PTPRN2: variants seen among roughly 807,000 people sequenced by gnomAD.
PTPRN2 encodes protein tyrosine phosphatase receptor type N2, also known as receptor-type tyrosine-protein phosphatase N2.
Under a neutral mutation model 118.8 loss-of-function variants are expected in PTPRN2, and 74 were observed. That is an observed-to-expected ratio of 0.62 (90% confidence interval 0.52 to 0.76). The LOEUF (loss-of-function observed/expected upper bound fraction) is 0.76. PTPRN2 is among the 30% of genes least tolerant of loss of function. The pLI is 0.00. For synonymous variants in PTPRN2, 641 were observed against 608.0 expected, an observed-to-expected ratio of 1.05 and a Z score of -0.80; for missense variants, 1,481 against 1,394.4, an observed-to-expected ratio of 1.06 and a Z score of -0.99.
chr7:157,949,905 A>G (rs1226025908), intron 11 of PTPRN2, among the ~76,000 whole-genome samples: 1 of 152,172 alleles, frequency 6.6e-6, no homozygotes, highest in Non-Finnish European at 1.5e-5. Flanking sequence ...GTCTCCTCAA[A>G]CAATTCAGGC....
At chr7:158,538,078 C>A (rs1387569609) in intron 1 of PTPRN2, among the ~76,000 whole-genome samples, 1 of 152,234 alleles carries the variant, frequency 6.6e-6, no homozygotes, top group Non-Finnish European at 1.5e-5. Flanking sequence ...AAGGAGTAGA[C>A]CACCACAGGG....
At chr7:157,902,067 G>A (rs192721344) in intron 11 of PTPRN2, among the ~76,000 whole-genome samples, 50 of 152,358 alleles carry the variant, frequency 3.3e-4, no homozygotes, top group African/African-American at 1.2e-3. Context: ...GCACGGGCCA[G>A]CACGGTAGTG....
At chr7:158,510,170 C>T (rs766617802) in intron 1 of PTPRN2, among the ~76,000 whole-genome samples, 1 of 152,312 alleles carries the variant, frequency 6.6e-6, no homozygotes, top group African/African-American at 2.4e-5. Flanking sequence ...TGCGGGGACA[C>T]ATTTAGCTGG....
At chr7:157,688,746 AG>A in intron 12 of PTPRN2, among the ~76,000 whole-genome samples, 1 of 152,194 alleles carries the variant, frequency 6.6e-6, no homozygotes, top group Non-Finnish European at 1.5e-5. Context: ...GTCGCTTGTC[AG>A]AACCCCTCTG....
intron 1 of PTPRN2, among the ~76,000 whole-genome samples, chr7:158,539,176 A>G (rs549302625): frequency 6.6e-6 from 1 of 152,350 alleles, no homozygotes; most frequent in African/African-American, 2.4e-5. Flanking sequence ...ATTTCATCTA[A>G]AAATGGAACT....
chr7:157,729,415 C>T lies in PTPRN2; in HGVS notation c.1789-46478G>A, dbSNP rs996450601. ...CCCACTCTGCTCCCGTGGACAGCTC[C>T]ATCTTCAGCAGCTCCGTGCATAGGG... On this transcript the variant is annotated intron_variant, in intron 12 of 22. Transcript: ENST00000389418. This position sits in a 1 kb window ranked among gnomAD's most constrained non-coding sequence, Gnocchi z 4.3. Among the ~76,000 whole-genome samples the T allele has an allele frequency of 3.9e-5, 6 of 152,124 alleles. No homozygotes were observed. Among genetic ancestry groups the T allele is most frequent in the African/African-American group, 1.4e-4 (6 of 41,426 alleles).
chr7:157,980,890 C>T (rs1034501806), intron 11 of PTPRN2, among the ~76,000 whole-genome samples: 1 of 152,236 alleles, frequency 6.6e-6, no homozygotes, highest in African/African-American at 2.4e-5. Context: ...TCAGCCAGTT[C>T]CCACCAAGCC....
chr7:157,700,547 T>C (rs1798012914), intron 12 of PTPRN2, among the ~76,000 whole-genome samples: 1 of 152,182 alleles, frequency 6.6e-6, no homozygotes. Context: ...TTATCTGACC[T>C]TATTCCCCAT....
At chr7:158,356,975 C>T (rs953351651) in intron 2 of PTPRN2, among the ~76,000 whole-genome samples, 12 of 152,080 alleles carry the variant, frequency 7.9e-5, no homozygotes, top group Non-Finnish European at 1.2e-4. Flanking sequence ...CTGTGCTGGC[C>T]GGGAGAGCGG....
intron 16 of PTPRN2, among the ~76,000 whole-genome samples, chr7:157,597,485 T>TGTG (rs397760089): frequency 1.5e-5 from 2 of 131,940 alleles, no homozygotes; most frequent in Non-Finnish European, 3.4e-5. Flanking sequence ...TGTGTGTGTG[T>TGTG]TTTTTTTTTT....
At chr7:158,139,975 C>G (rs1414144589) in intron 6 of PTPRN2, among the ~76,000 whole-genome samples, 1 of 120,642 alleles carries the variant, frequency 8.3e-6, no homozygotes, top group African/African-American at 3.7e-5. Flanking sequence ...CCCTGTGGGC[C>G]TGCACACAGG....
chr7:157,898,674 G>A lies in PTPRN2; in HGVS notation c.1787C>T (p.Ser596Leu), dbSNP rs528832929. The A allele has an allele frequency of 1.4e-5, 23 of 1,593,684 alleles. No individual in the cohort carries two copies. The highest frequency in any genetic ancestry group is 2.7e-5 in the African/African-American group (2 of 74,416). ...GACGGCACCCCTTCTGTTACTCACC[G>A]ACCCGACTCCGGTTTGAAGAATTTT... ...GLKILQTGVG[S>L]KSKLKFLPPQ... The change falls in exon 12 of 23, where the codon TCG becomes TTG. Residue 596 changes from serine (S) to leucine (L), a missense_variant and splice_region_variant. By Grantham distance (145) the Ser-to-Leu change is moderately radical (BLOSUM62 -2). This residue lies in a region of PTPRN2 where 1,115 missense variants were observed against 994.2 expected (regional missense o/e 1.12). Transcript: ENST00000389418.
At chr7:158,059,583 A>G (rs1419819227) in intron 11 of PTPRN2, among the ~76,000 whole-genome samples, 13 of 104,290 alleles carry the variant, frequency 1.2e-4, no homozygotes, top group East Asian at 6.4e-4. Flanking sequence ...CCACGGTGAC[A>G]CATCACTGCA....
chr7:157,899,613 A>G (rs1197582936), intron 11 of PTPRN2, among the ~76,000 whole-genome samples: 1 of 152,198 alleles, frequency 6.6e-6, no homozygotes, highest in African/African-American at 2.4e-5. Context: ...GAAAATATCA[A>G]TTACTCTCAC....
intron 11 of PTPRN2, among the ~76,000 whole-genome samples, chr7:158,068,353 G>C (rs1299769153): frequency 6.6e-6 from 1 of 152,226 alleles, no homozygotes; most frequent in African/African-American, 2.4e-5. Flanking sequence ...AGGAGGCCCA[G>C]GCCACAGCTC....
At chr7:157,860,430 C>G (rs76579749) in intron 12 of PTPRN2, among the ~76,000 whole-genome samples, 1 of 152,214 alleles carries the variant, frequency 6.6e-6, no homozygotes, top group Admixed American at 6.5e-5. Context: ...TGGTTATTAT[C>G]GAACACTCTT....
At chr7:158,313,505 C>G (rs1802043841) in intron 3 of PTPRN2, among the ~76,000 whole-genome samples, 1 of 152,216 alleles carries the variant, frequency 6.6e-6, no homozygotes. Flanking sequence ...TGGGCAGACG[C>G]TCAGCCAGGG....
chr7:157,854,201 T>TG (rs1809508864), intron 12 of PTPRN2, among the ~76,000 whole-genome samples: 1 of 152,248 alleles, frequency 6.6e-6, no homozygotes, highest in Non-Finnish European at 1.5e-5. Flanking sequence ...ACTGACTCCC[T>TG]GGACAGGGCC....
chr7:158,235,864 G>A (rs74517701), intron 3 of PTPRN2, among the ~76,000 whole-genome samples: 2,443 of 152,190 alleles, frequency 0.016, 33 homozygotes, highest in South Asian at 0.054. Context: ...TATGTACATC[G>A]ATTCTGTATC....
Sources: allele counts gnomAD v4.1 joint callset (sites outside exome capture counted in the v4.1 genomes callset), GRCh38; gene constraint gnomAD v4.1.1; regional missense constraint gnomAD v4.1.1; non-coding constraint Gnocchi (gnomAD v3.1); transcripts MANE v1.5; gene names NCBI Gene and HGNC (gene_info 2026-07-23, HGNC 2026-07-21).